ST8SIA1: variants seen among roughly 807,000 people sequenced by gnomAD.
ST8SIA1 encodes ST8 alpha-N-acetyl-neuraminide alpha-2,8-sialyltransferase 1.
Under a neutral mutation model 35.9 loss-of-function variants are expected in ST8SIA1, and 16 were observed. The ratio of observed to expected loss-of-function variants is 0.45; its 90% CI spans 0.30 to 0.68. ST8SIA1 has a LOEUF of 0.68. Among genes scored for constraint, ST8SIA1 ranks in the 30% least tolerant of loss-of-function variants. ST8SIA1 has a pLI of 0.09. For missense variants in ST8SIA1, 383 were observed against 453.6 expected, an observed-to-expected ratio of 0.84 and a Z score of 1.41; for synonymous variants, 170 against 169.6, an observed-to-expected ratio of 1.00 and a Z score of -0.02.
At chr12:22,296,778 T>C (rs1020609829) in intron 1 of ST8SIA1, among the ~76,000 whole-genome samples, 1 of 152,110 alleles carries the variant, frequency 6.6e-6, no homozygotes, top group East Asian at 1.9e-4. Flanking sequence ...AGCAGGAGCA[T>C]AGGGGTGGGC....
intron 3 of ST8SIA1, among the ~76,000 whole-genome samples, chr12:22,250,311 G>T (rs945065073): frequency 1.3e-5 from 2 of 152,094 alleles, no homozygotes; most frequent in African/African-American, 4.8e-5. Context: ...TTGAATTGTT[G>T]TTAAGGACTA....
chr12:22,295,216 G>C (rs988822485), intron 1 of ST8SIA1, among the ~76,000 whole-genome samples: 1 of 152,162 alleles, frequency 6.6e-6, no homozygotes, highest in Non-Finnish European at 1.5e-5. Context: ...GGTGATATTT[G>C]AGTAAAGACC....
chr12:22,260,876 T>TG (rs1377862395), intron 2 of ST8SIA1, among the ~76,000 whole-genome samples: 19 of 126,384 alleles, frequency 1.5e-4, no homozygotes, highest in East Asian at 4.6e-4. Flanking sequence ...TAGTTGTTGT[T>TG]TTTTTTTTTT....
At chr12:22,241,059 C>T (rs1443033553) in intron 4 of ST8SIA1, among the ~76,000 whole-genome samples, 1 of 150,954 alleles carries the variant, frequency 6.6e-6, no homozygotes, top group Admixed American at 6.6e-5. Flanking sequence ...TAACCCTAAC[C>T]CTAACCCTAA....
Position 22,195,044 on chromosome 12 carries a change from G to A in ST8SIA1, c.*6508C>T, listed in dbSNP as rs887094966. 1 of 152,808 alleles carries A rather than the reference G, an allele frequency of 6.5e-6. No homozygotes were observed. Among genetic ancestry groups the A allele is most frequent in the Non-Finnish European group, 1.5e-5 (1 of 68,774 alleles). The allele number at this position is 152,808 out of a possible 1,614,324, so 9.5% of individuals were successfully genotyped here. ...ACTAAAAGTACAAAATTAGCCGGGT[G>A]TGGTGGCGCATGCCTGTAATCCCAG... On this transcript the variant is annotated 3_prime_UTR_variant, in exon 5 of 5. Transcript: ENST00000396037.
intron 1 of ST8SIA1, among the ~76,000 whole-genome samples, chr12:22,309,451 C>T (rs1467628526): frequency 6.6e-6 from 1 of 152,178 alleles, no homozygotes; most frequent in Non-Finnish European, 1.5e-5. Flanking sequence ...AAACACTCCA[C>T]CCTCAGATCA....
chr12:22,286,394 TTC>T (rs1432233320), intron 2 of ST8SIA1: 2 of 512,422 alleles, frequency 3.9e-6, no homozygotes, highest in Non-Finnish European at 3.9e-6. Context: ...GGCTTAAAAA[TTC>T]TCTTTCTGTA....
At chr12:22,247,171 G>T (rs1865616157) in intron 4 of ST8SIA1, among the ~76,000 whole-genome samples, 1 of 128,884 alleles carries the variant, frequency 7.8e-6, no homozygotes, top group South Asian at 2.6e-4. Context: ...TCTAAATCTT[G>T]CTCTGAACAT....
chr12:22,316,588 T>C (rs543360652), intron 1 of ST8SIA1, among the ~76,000 whole-genome samples: 1 of 152,198 alleles, frequency 6.6e-6, no homozygotes, highest in African/African-American at 2.4e-5. Flanking sequence ...TCAAAAGCTA[T>C]AAAAGAAAAA....
At chr12:22,292,639 T>C (rs2135819805) in intron 1 of ST8SIA1, among the ~76,000 whole-genome samples, 1 of 152,212 alleles carries the variant, frequency 6.6e-6, no homozygotes, top group African/African-American at 2.4e-5. Context: ...GGTGAGTTAA[T>C]GGATGAACAG....
At chr12:22,229,470 A>C (rs1865391549) in intron 4 of ST8SIA1, among the ~76,000 whole-genome samples, 1 of 151,658 alleles carries the variant, frequency 6.6e-6, no homozygotes, top group Non-Finnish European at 1.5e-5. Context: ...CAAAAAATTC[A>C]CTGGGCATGG....
chr12:22,333,905 G>T, intron 1 of ST8SIA1, 92 bp downstream of exon 1: 1 of 1,092,578 alleles, frequency 9.2e-7, no homozygotes, highest in Non-Finnish European at 1.4e-6. Context: ...GCCTCTGCGA[G>T]ACGGTGCAAG....
intron 1 of ST8SIA1, among the ~76,000 whole-genome samples, chr12:22,329,078 T>C (rs2135848069): frequency 1.3e-5 from 2 of 152,348 alleles, no homozygotes; most frequent in South Asian, 4.1e-4. Context: ...GCCTGGCCTA[T>C]TTTTAATTAT....
chr12:22,287,381 A>G (rs2072542), intron 1 of ST8SIA1, 88 bp from the exon 2 acceptor site: 611,552 of 1,378,280 alleles, frequency 0.44, 140,284 homozygotes, highest in African/African-American at 0.66. Context: ...GAGATGTGCC[A>G]CCTTACCTCA....
rs374641524 is a variant in ST8SIA1 at position 22,290,742 on chromosome 12, G to A, written c.237-3449C>T. 9.2e-5 allele frequency among the ~76,000 whole-genome samples: 14 copies of A among 152,294 alleles called. 1 individual carries two copies. Among genetic ancestry groups the A allele is most frequent in the Middle Eastern group, 6.8e-3 (2 of 294 alleles). On this transcript the variant is annotated intron_variant, in intron 1 of 4. Transcript: ENST00000396037. ...AGATTAAATAATGGACTTCACGTCCGTCTAACCTTCAGGTAATTCTGGAGC... is the reference window on the plus strand; with the variant it reads ...AGATTAAATAATGGACTTCACGTCCATCTAACCTTCAGGTAATTCTGGAGC...
intron 1 of ST8SIA1, among the ~76,000 whole-genome samples, 195 bp from the exon 2 acceptor site, chr12:22,287,488 C>CAAAAA (rs60549878): frequency 7.9e-6 from 1 of 126,344 alleles, no homozygotes; most frequent in African/African-American, 2.9e-5. Flanking sequence ...TATTTCACAG[C>CAAAAA]AAAAAAAAAA....
At chr12:22,278,792 GA>G (rs3216631) in intron 2 of ST8SIA1, among the ~76,000 whole-genome samples, 4 of 151,570 alleles carry the variant, frequency 2.6e-5, no homozygotes, top group East Asian at 1.9e-4. Context: ...AACTTGGCAA[GA>G]AAAAAAACCT....
intron 4 of ST8SIA1, among the ~76,000 whole-genome samples, chr12:22,232,215 A>G (rs377615334): frequency 6.6e-6 from 1 of 152,202 alleles, no homozygotes; most frequent in East Asian, 1.9e-4. Context: ...ATAAGTTACT[A>G]AACAGCACAG....
intron 1 of ST8SIA1, among the ~76,000 whole-genome samples, chr12:22,323,135 C>T (rs1181549424): frequency 6.6e-6 from 1 of 152,180 alleles, no homozygotes; most frequent in East Asian, 1.9e-4. Flanking sequence ...ACATAAATTC[C>T]TCATAGCTGG....
Sources: allele counts gnomAD v4.1 joint callset (sites outside exome capture counted in the v4.1 genomes callset), GRCh38; gene constraint gnomAD v4.1.1; transcripts MANE v1.5; gene names NCBI Gene and HGNC (gene_info 2026-07-23, HGNC 2026-07-21).